Variants in ARHGAP26 observed in about 807,000 individuals in gnomAD.
ARHGAP26 encodes the protein rho GTPase-activating protein 26.
In ARHGAP26, 38 loss-of-function variants were observed where a neutral mutation model predicts 104.8. The observed-to-expected ratio is 0.36, with a 90% confidence interval of 0.28 to 0.48. ARHGAP26 has a LOEUF of 0.48. ARHGAP26 is among the 20% of genes least tolerant of loss of function. The pLI is 0.99. For missense variants in ARHGAP26, 704 were observed against 947.9 expected, an observed-to-expected ratio of 0.74 and a Z score of 3.38; for synonymous variants, 341 against 340.0, an observed-to-expected ratio of 1.00 and a Z score of -0.03.
chr5:142,856,602 A>G (rs923747174), intron 1 of ARHGAP26, among the ~76,000 whole-genome samples: 8 of 152,226 alleles, frequency 5.3e-5, no homozygotes, highest in African/African-American at 1.9e-4. Flanking sequence ...TTCTGCATCC[A>G]TGAGTTCAGT....
intron 20 of ARHGAP26, chr5:143,203,407 A>G (rs1808081403): frequency 6.6e-6 from 1 of 152,244 alleles, no homozygotes; most frequent in Admixed American, 6.5e-5. Flanking sequence ...GCAATCATTA[A>G]AAAGTCAGGA....
intron 6 of ARHGAP26, among the ~76,000 whole-genome samples, chr5:142,900,799 A>G (rs896131626): frequency 1.3e-5 from 2 of 152,184 alleles, no homozygotes; most frequent in African/African-American, 2.4e-5. Flanking sequence ...TCTGAAGACC[A>G]CAATGTAAAA....
At chr5:142,970,836 G>A (rs537543470) in intron 11 of ARHGAP26, among the ~76,000 whole-genome samples, 2 of 152,256 alleles carry the variant, frequency 1.3e-5, no homozygotes, top group African/African-American at 4.8e-5. Context: ...AGGATGTGAC[G>A]GTCACTCTAG....
At chr5:142,899,665 T>C (rs534865319) in intron 6 of ARHGAP26, among the ~76,000 whole-genome samples, 2 of 151,836 alleles carry the variant, frequency 1.3e-5, no homozygotes, top group African/African-American at 4.8e-5. Context: ...CCCTGAGGAG[T>C]GGACTTTCAT....
At chr5:142,818,249 C>A (rs1175160535) in intron 1 of ARHGAP26, among the ~76,000 whole-genome samples, 1 of 152,130 alleles carries the variant, frequency 6.6e-6, no homozygotes, top group Non-Finnish European at 1.5e-5. Context: ...CTGGTTTAAC[C>A]CTCTGTGATC....
chr5:142,845,661 G>A (rs1027258641), intron 1 of ARHGAP26, among the ~76,000 whole-genome samples: 6 of 152,198 alleles, frequency 3.9e-5, no homozygotes, highest in African/African-American at 1.4e-4. Context: ...ACACATATCA[G>A]CTTCTCAGTA....
At chr5:142,972,932 T>A (rs1772497719) in intron 11 of ARHGAP26, among the ~76,000 whole-genome samples, 1 of 152,202 alleles carries the variant, frequency 6.6e-6, no homozygotes, top group African/African-American at 2.4e-5. Context: ...AATTTTTTTC[T>A]GTGATGTTTT....
intron 17 of ARHGAP26, among the ~76,000 whole-genome samples, chr5:143,080,082 C>T (rs183444040): frequency 6.6e-6 from 1 of 152,274 alleles, no homozygotes; most frequent in Admixed American, 6.5e-5. Context: ...CCTGGTCACT[C>T]TTTTGCCTAT....
Position 142,991,720 on chromosome 5 carries a change from T to G in ARHGAP26, c.1108-22360T>G, listed in dbSNP as rs76602135. Reference sequence around the variant, plus strand: ...CAGTATGGTAACATGCTGTATAGGTTTATCTCCTAGGAACAATAGGCTACA... The same window carrying G: ...CAGTATGGTAACATGCTGTATAGGTGTATCTCCTAGGAACAATAGGCTACA... On this transcript the variant is annotated intron_variant, in intron 11 of 22. Coordinates refer to ENST00000645722, the MANE Select transcript of ARHGAP26 (RefSeq NM_001135608.3). Among the ~76,000 whole-genome samples, 1,521 of 152,338 alleles carry G rather than the reference T, an allele frequency of 1.0e-2. 33 individuals are homozygous for G. The highest frequency in any genetic ancestry group is 0.034 in the African/African-American group (1,427 of 41,578).
intron 17 of ARHGAP26, among the ~76,000 whole-genome samples, chr5:143,112,350 T>TACAGGGAGAG (rs1794880943): frequency 6.6e-6 from 1 of 151,990 alleles, no homozygotes. Context: ...CAAAGAAAAT[T>TACAGGGAGAG]TTAGCTCAGA....
At position 142,770,796 on chromosome 5, in the gene ARHGAP26, G is replaced by C; in HGVS notation, c.35G>C (p.Cys12Ser). The part of the protein sequence containing the change: ...GLPALEFSDC[C>S]LDSPHFRETL... The stretch of plus-strand genomic sequence containing the variant: ...CCAGCGCTCGAGTTCAGCGACTGCT[G>C]CCTCGATAGTCCGCACTTCCGAGAG... The change falls in exon 1 of 23, where the codon TGC becomes TCC. Residue 12 changes from cysteine (C) to serine (S), a missense_variant. This residue lies in a region of ARHGAP26 where 77 missense variants were observed against 82.6 expected (regional missense o/e 0.93). Transcript: ENST00000645722. The C allele has an allele frequency of 6.3e-7, 1 of 1,595,438 alleles. No individual in the cohort carries two copies. Among genetic ancestry groups the C allele is most frequent in the Non-Finnish European group, 8.5e-7 (1 of 1,170,794 alleles).
At chr5:142,787,782 C>G (rs1188364029) in intron 1 of ARHGAP26, among the ~76,000 whole-genome samples, 1 of 151,916 alleles carries the variant, frequency 6.6e-6, no homozygotes, top group Non-Finnish European at 1.5e-5. Context: ...GCAAATTATG[C>G]CTATAGTACT....
intron 8 of ARHGAP26, among the ~76,000 whole-genome samples, chr5:142,906,763 T>G (rs549363363): frequency 6.6e-6 from 1 of 152,374 alleles, no homozygotes; most frequent in African/African-American, 2.4e-5. Context: ...GTGGAAACAT[T>G]TACTGTTTTG....
intron 12 of ARHGAP26, among the ~76,000 whole-genome samples, chr5:143,036,224 G>A (rs906044008): frequency 6.6e-6 from 1 of 152,132 alleles, no homozygotes; most frequent in Non-Finnish European, 1.5e-5. Context: ...TGACCATTAA[G>A]TGGTAGAATG....
intron 11 of ARHGAP26, among the ~76,000 whole-genome samples, chr5:143,009,614 T>C (rs547028003): frequency 1.3e-5 from 2 of 152,378 alleles, no homozygotes; most frequent in South Asian, 4.1e-4. Flanking sequence ...TCATAATTAT[T>C]CTTTAATGAT....
intron 19 of ARHGAP26, among the ~76,000 whole-genome samples, chr5:143,134,973 A>C (rs1295408784): frequency 6.6e-6 from 1 of 152,252 alleles, no homozygotes; most frequent in Non-Finnish European, 1.5e-5. Context: ...TGGTTCATTC[A>C]TGCAGCTGAC....
chr5:143,141,356 CAT>C (rs1279975798), intron 19 of ARHGAP26, among the ~76,000 whole-genome samples: 1 of 152,158 alleles, frequency 6.6e-6, no homozygotes, highest in African/African-American at 2.4e-5. Flanking sequence ...TAAAAAAGTA[CAT>C]GTCTGTGTGT....
intron 1 of ARHGAP26, among the ~76,000 whole-genome samples, chr5:142,794,340 T>G (rs1408634026): frequency 6.6e-6 from 1 of 152,112 alleles, no homozygotes; most frequent in East Asian, 1.9e-4. Flanking sequence ...AGGGATGATT[T>G]CCCAGAGGAA....
intron 11 of ARHGAP26, among the ~76,000 whole-genome samples, chr5:143,005,097 T>C (rs776844986): frequency 6.6e-6 from 1 of 151,972 alleles, no homozygotes; most frequent in Non-Finnish European, 1.5e-5. Context: ...AAAAAAAAAA[T>C]TACCACAACC....
Sources: gnomAD v4.1 joint callset for allele counts (sites outside exome capture counted in the v4.1 genomes callset) on GRCh38, gnomAD v4.1.1 for gene constraint, gnomAD v4.1.1 regional missense constraint, MANE v1.5 for transcripts, NCBI Gene and HGNC (gene_info 2026-07-23, HGNC 2026-07-21) for gene names.